The following EFHD1 variants were observed in gnomAD, a reference collection of about 807,000 sequenced individuals.
The protein encoded by EFHD1 is EF-hand domain family member D1.
EFHD1 carries 10 observed loss-of-function variants against 17.2 expected under a neutral mutation model. That is an observed-to-expected ratio of 0.58 (90% CI 0.36 to 0.99). EFHD1 has a LOEUF of 0.99. Ranked by LOEUF, EFHD1 falls within the 50% of genes least tolerant of loss-of-function variation. The pLI is 0.01. For synonymous variants in EFHD1, 153 were observed against 142.0 expected (o/e 1.08, Z -0.55); for missense variants, 310 against 327.5 (o/e 0.95, Z 0.41).
At chr2:232,615,671 T>C (rs959388026) in intron 1 of EFHD1, among the ~76,000 whole-genome samples, 1 of 148,696 alleles carries the variant, frequency 6.7e-6, no homozygotes, top group Non-Finnish European at 1.5e-5. Context: ...AAATACATTT[T>C]CTTTTTCTTT....
At chr2:232,654,624 C>T (rs189931579) in intron 1 of EFHD1, among the ~76,000 whole-genome samples, 3 of 152,016 alleles carry the variant, frequency 2.0e-5, no homozygotes, top group African/African-American at 7.2e-5. Context: ...GACAGGGTTT[C>T]GCCATGTTGG....
intron 1 of EFHD1, among the ~76,000 whole-genome samples, chr2:232,608,854 C>T (rs1355221215): frequency 6.6e-6 from 1 of 151,912 alleles, no homozygotes; most frequent in African/African-American, 2.4e-5. Flanking sequence ...CGCTTGAACC[C>T]AGGAGGCTGA....
intron 2 of EFHD1, 34 bp downstream of exon 2, chr2:232,662,983 G>T (rs1694904367): frequency 1.3e-6 from 2 of 1,531,684 alleles, no homozygotes; most frequent in South Asian, 2.6e-5. Flanking sequence ...GCCCCTGTGG[G>T]GTGCCCCTGA....
At chr2:232,654,718 G>A (rs1046463273) in intron 1 of EFHD1, among the ~76,000 whole-genome samples, 6 of 152,098 alleles carry the variant, frequency 3.9e-5, no homozygotes, top group South Asian at 2.1e-4. Flanking sequence ...GTGAGCCACC[G>A]TGCCCTGCCA....
intron 1 of EFHD1, among the ~76,000 whole-genome samples, chr2:232,611,086 G>A (rs911205710): frequency 1.3e-5 from 2 of 152,174 alleles, no homozygotes; most frequent in African/African-American, 4.8e-5. Flanking sequence ...GCTGAGATGA[G>A]GGGATCCCTT....
chr2:232,676,356 C>A (rs376206160), intron 3 of EFHD1, among the ~76,000 whole-genome samples: 1 of 152,150 alleles, frequency 6.6e-6, no homozygotes, highest in Admixed American at 6.5e-5. Flanking sequence ...CCTGTTTGAC[C>A]GAACCTGGTG....
Position 232,669,262 on chromosome 2 carries a change from C to T in EFHD1, c.451-3047C>T, listed in dbSNP as rs16829388. 8.4e-3 allele frequency among the ~76,000 whole-genome samples: 1,276 copies of T among 152,300 alleles called. 16 individuals carry two copies. Among genetic ancestry groups the T allele is most frequent in the Middle Eastern group, 0.031 (9 of 294 alleles). ...TCAGGTTCTGATAATCCACAGCAAA[C>T]TGAGTCTCTGCCGGCCTCTAGTGAG... On this transcript the variant is annotated intron_variant, in intron 2 of 3. Transcript: ENST00000264059.
chr2:232,652,413 C>T (rs149165015), intron 1 of EFHD1, among the ~76,000 whole-genome samples: 86 of 152,210 alleles, frequency 5.7e-4, no homozygotes, highest in Admixed American at 3.1e-3. Context: ...ACGGGTACAT[C>T]GTTCCTACTG....
intron 1 of EFHD1, among the ~76,000 whole-genome samples, chr2:232,625,303 A>T (rs866266198): frequency 2.1e-4 from 30 of 141,906 alleles, no homozygotes; most frequent in African/African-American, 5.5e-4. Context: ...TAATTTAAAC[A>T]TTTTTTTTTT....
chr2:232,675,235 GAGAA>G (rs1401126816), intron 3 of EFHD1, among the ~76,000 whole-genome samples: 11 of 137,904 alleles, frequency 8.0e-5, no homozygotes, highest in African/African-American at 2.2e-4. Context: ...GAAAGAAAGA[GAGAA>G]AGAAAAGAAA....
chr2:232,658,981 A>G (rs1206085910), intron 1 of EFHD1, among the ~76,000 whole-genome samples: 1 of 152,114 alleles, frequency 6.6e-6, no homozygotes, highest in Admixed American at 6.6e-5. Context: ...CAGTGAACCC[A>G]TGGAAATTGT....
intron 1 of EFHD1, among the ~76,000 whole-genome samples, chr2:232,660,284 T>G (rs904106150): frequency 1.3e-5 from 2 of 152,108 alleles, no homozygotes; most frequent in Non-Finnish European, 2.9e-5. Context: ...AAGCTCCGCC[T>G]CCTGGGTTCA....
At chr2:232,662,659 C>T in intron 1 of EFHD1, 143 bp from the exon 2 acceptor site, 1 of 1,107,036 alleles carries the variant, frequency 9.0e-7, no homozygotes, top group Non-Finnish European at 1.2e-6. Context: ...AGAGGGGTTC[C>T]TCTGGAGCAG....
chr2:232,618,268 C>T (rs992915527), intron 1 of EFHD1, among the ~76,000 whole-genome samples: 3 of 152,030 alleles, frequency 2.0e-5, no homozygotes, highest in African/African-American at 4.8e-5. Flanking sequence ...GATCCACCTG[C>T]CTTGGCCTCC....
chr2:232,672,263 C>CT (rs1559356275), intron 2 of EFHD1, 46 bp from the exon 3 acceptor site: 3 of 1,613,220 alleles, frequency 1.9e-6, no homozygotes, highest in Non-Finnish European at 2.5e-6. Flanking sequence ...GGTTATGAAT[C>CT]TGTCAGTGAG....
intron 1 of EFHD1, among the ~76,000 whole-genome samples, chr2:232,615,330 T>TGTGA (rs1553594535): frequency 0.014 from 1,955 of 141,174 alleles, 48 homozygotes; most frequent in Admixed American, 0.064. Context: ...TGTGTGTGTG[T>TGTGA]GTGTGTGTGT....
In EFHD1 at chr2:232,638,725, G is replaced by A. The variant is rs1694367528; in HGVS notation, c.302+4719G>A. Among the ~76,000 whole-genome samples, 4 of 152,330 alleles carry A rather than the reference G, an allele frequency of 2.6e-5. No homozygotes were observed. In the South Asian group the frequency reaches 6.2e-4, roughly 24 times the overall value. ...TTGACTCTAAAAATGGGAAAGATGGGTGGAAATAAAAGGAAGAAGTTAAGT... is the reference window on the plus strand; with the variant it reads ...TTGACTCTAAAAATGGGAAAGATGGATGGAAATAAAAGGAAGAAGTTAAGT... On this transcript the variant is annotated intron_variant, in intron 1 of 3. Transcript: ENST00000264059.
At chr2:232,621,599 C>G (rs1414460877) in intron 1 of EFHD1, among the ~76,000 whole-genome samples, 2 of 152,054 alleles carry the variant, frequency 1.3e-5, no homozygotes, top group African/African-American at 2.4e-5. Context: ...ATTATGGGCA[C>G]CCGCCACCAT....
chr2:232,620,204 C>T (rs1336965747), intron 1 of EFHD1, among the ~76,000 whole-genome samples: 4 of 149,942 alleles, frequency 2.7e-5, no homozygotes, highest in African/African-American at 9.8e-5. Context: ...CTGGCTAACA[C>T]AGTGAAACCC....
Sources: allele counts gnomAD v4.1 joint callset (sites outside exome capture counted in the v4.1 genomes callset), GRCh38; gene constraint gnomAD v4.1.1; transcripts MANE v1.5; gene names NCBI Gene and HGNC (gene_info 2026-07-23, HGNC 2026-07-21).